SPECC1: variants seen among roughly 807,000 people sequenced by gnomAD.
SPECC1 encodes the protein cytospin-B.
A neutral mutation model predicts 104.1 loss-of-function variants in SPECC1; 62 were observed. That is an observed-to-expected ratio of 0.60 (90% CI 0.49 to 0.74). SPECC1 has a LOEUF of 0.74. SPECC1 is among the 30% of genes least tolerant of loss of function. SPECC1 has a pLI of 0.00. For synonymous variants in SPECC1, 513 were observed against 501.6 expected, an observed-to-expected ratio of 1.02 and a Z score of -0.30; for missense variants, 1,306 against 1,310.5, an observed-to-expected ratio of 1.00 and a Z score of 0.05.
In SPECC1 at chr17:20,042,286, C is replaced by A. The variant is rs1337078458; in HGVS notation, c.-22+32862C>A. Among the ~76,000 whole-genome samples the A allele has an allele frequency of 2.0e-5, 3 of 152,060 alleles. No homozygotes were observed. The East Asian group carries it at 5.8e-4, about 29-fold the overall frequency. The stretch of plus-strand genomic sequence containing the variant: ...GTATTCTGGTTCCCTACTTGGCCTC[C>A]CTGATACCTCCCTGGCTAGGAGGGG... On this transcript the variant is annotated intron_variant, in intron 1 of 14. Coordinates refer to ENST00000395527, the MANE Select transcript of SPECC1 (RefSeq NM_001243439.2).
intron 3 of SPECC1, among the ~76,000 whole-genome samples, chr17:20,198,437 G>A (rs1052251253): frequency 2.6e-5 from 4 of 152,198 alleles, no homozygotes; most frequent in African/African-American, 9.7e-5. Context: ...GTAGCAAAGG[G>A]ATCTTTTCCA....
Position 20,297,411 on chromosome 17 carries a change from G to A in SPECC1, c.3057+334G>A, listed in dbSNP as rs189804806. Among the ~76,000 whole-genome samples, 9 of 152,356 alleles carry A rather than the reference G, an allele frequency of 5.9e-5. No homozygotes were observed. In the East Asian group the frequency reaches 1.3e-3, roughly 23 times the overall value. On this transcript the variant is annotated intron_variant, in intron 13 of 14. Transcript: ENST00000395527. The stretch of plus-strand genomic sequence containing the variant: ...GTATATTGCATCACATTTTCAGAGA[G>A]CATGGTGCCTGTTAACACATTAAAG...
Position 20,205,226 on chromosome 17 carries a change from G to C in SPECC1, c.1177G>C (p.Ala393Pro), listed in dbSNP as rs2036698853. The change falls in exon 4 of 15, where the codon GCT becomes CCT. Residue 393 changes from alanine to proline, a missense_variant. Around this residue, in one of 2 missense-constraint regions of SPECC1, gnomAD observed 1,177 missense variants for 1,139.9 expected, o/e 1.03. Coordinates refer to ENST00000395527, the MANE Select transcript of SPECC1 (RefSeq NM_001243439.2). ...NHHSTAEELQ[A>P]TLQELSDQQQ... is the part of the protein sequence containing the mutation. The stretch of plus-strand genomic sequence containing the variant: ...CCATAGCACTGCAGAAGAACTACAG[G>C]CTACTCTACAAGAATTATCAGACCA... The C allele has an allele frequency of 6.2e-7, 1 of 1,614,104 alleles. No homozygotes were observed. The highest frequency in any genetic ancestry group is 8.5e-7 in the Non-Finnish European group (1 of 1,180,028).
intron 1 of SPECC1, among the ~76,000 whole-genome samples, chr17:20,025,271 T>C (rs2044556048): frequency 6.6e-6 from 1 of 152,196 alleles, no homozygotes; most frequent in South Asian, 2.1e-4. Context: ...GACACCTTGA[T>C]CTCAGAGTCC....
intron 3 of SPECC1, among the ~76,000 whole-genome samples, chr17:20,154,109 A>C (rs896523450): frequency 6.6e-6 from 1 of 152,232 alleles, no homozygotes; most frequent in African/African-American, 2.4e-5. Context: ...TTAAGGGCTA[A>C]TTTGTGTCTG....
At chr17:20,169,233 TAAG>T (rs908734931) in intron 3 of SPECC1, among the ~76,000 whole-genome samples, 11 of 152,090 alleles carry the variant, frequency 7.2e-5, no homozygotes, top group African/African-American at 9.7e-5. Flanking sequence ...GAGGAAGAAA[TAAG>T]AAGTGTGCAA....
intron 1 of SPECC1, among the ~76,000 whole-genome samples, chr17:20,023,311 T>G (rs1360827866): frequency 6.6e-6 from 1 of 152,182 alleles, no homozygotes; most frequent in Non-Finnish European, 1.5e-5. Context: ...TTGTCTTCCT[T>G]CTCTTGTTTT....
chr17:20,250,166 A>G (rs1007864539), intron 9 of SPECC1, among the ~76,000 whole-genome samples: 1 of 152,184 alleles, frequency 6.6e-6, no homozygotes, highest in African/African-American at 2.4e-5. Context: ...GCTGAAAGAA[A>G]ACACCTGCTT....
At chr17:20,297,516 A>G (rs561972380) in intron 13 of SPECC1, among the ~76,000 whole-genome samples, 39 of 152,304 alleles carry the variant, frequency 2.6e-4, no homozygotes, top group Non-Finnish European at 4.7e-4. Context: ...CTCTTTACTT[A>G]TATTTGTTTG....
At chr17:20,160,291 C>T (rs1032340210) in intron 3 of SPECC1, among the ~76,000 whole-genome samples, 1 of 152,142 alleles carries the variant, frequency 6.6e-6, no homozygotes, top group South Asian at 2.1e-4. Context: ...GGATGCTCCT[C>T]TTCAGCATAT....
At chr17:20,046,286 T>C (rs2045536432) in intron 1 of SPECC1, among the ~76,000 whole-genome samples, 1 of 152,110 alleles carries the variant, frequency 6.6e-6, no homozygotes, top group Non-Finnish European at 1.5e-5. Context: ...TATTTTTACA[T>C]TATTAATTTT....
intron 2 of SPECC1, among the ~76,000 whole-genome samples, chr17:20,097,561 A>C (rs533822907): frequency 3.3e-5 from 5 of 152,222 alleles, no homozygotes; most frequent in Non-Finnish European, 4.4e-5. Context: ...AATTGTGTTG[A>C]TGACTCAACT....
chr17:20,011,335 T>C (rs895268009), intron 1 of SPECC1, among the ~76,000 whole-genome samples: 2 of 152,188 alleles, frequency 1.3e-5, no homozygotes, highest in Non-Finnish European at 2.9e-5. Flanking sequence ...AGTTTTTCTG[T>C]TTCTTCAAAG....
At chr17:20,237,042 C>T (rs890022600) in intron 7 of SPECC1, 58 of 1,483,898 alleles carry the variant, frequency 3.9e-5, no homozygotes, top group African/African-American at 2.8e-5. Context: ...TCATTGCCGT[C>T]GAGTCTCTGC....
At chr17:20,106,128 T>G (rs1312954235) in intron 2 of SPECC1, among the ~76,000 whole-genome samples, 2 of 152,204 alleles carry the variant, frequency 1.3e-5, no homozygotes, top group East Asian at 3.9e-4. Context: ...CCTTAACCAC[T>G]GTGATTTCCC....
intron 13 of SPECC1, among the ~76,000 whole-genome samples, chr17:20,298,647 T>C (rs1453460267): frequency 2.0e-5 from 3 of 152,036 alleles, no homozygotes; most frequent in Admixed American, 2.0e-4. Context: ...CATAGAAGGA[T>C]TTGAAATATG....
At chr17:20,222,898 C>T (rs1397535188) in intron 4 of SPECC1, among the ~76,000 whole-genome samples, 1 of 152,156 alleles carries the variant, frequency 6.6e-6, no homozygotes, top group Admixed American at 6.5e-5. Context: ...GCATGCCTCT[C>T]TCTCCCTGGC....
intron 1 of SPECC1, among the ~76,000 whole-genome samples, chr17:20,028,761 T>A (rs1010644971): frequency 7.9e-5 from 3 of 37,906 alleles, no homozygotes; most frequent in African/African-American, 2.2e-4. Flanking sequence ...TCATCTGGGA[T>A]TTTTTTTTTT....
At chr17:20,123,361 C>T (rs1038565327) in intron 3 of SPECC1, among the ~76,000 whole-genome samples, 4 of 152,212 alleles carry the variant, frequency 2.6e-5, no homozygotes, top group African/African-American at 7.2e-5. Context: ...GAATCTCAGA[C>T]ATCTCAGATG....
Sources: gnomAD v4.1 joint callset for allele counts (sites outside exome capture counted in the v4.1 genomes callset) on GRCh38, gnomAD v4.1.1 for gene constraint, gnomAD v4.1.1 regional missense constraint, MANE v1.5 for transcripts, NCBI Gene and HGNC (gene_info 2026-07-23, HGNC 2026-07-21) for gene names.